Variants in SRRM4 observed in about 807,000 individuals in gnomAD.
SRRM4 encodes the protein serine/arginine repetitive matrix protein 4.
A neutral mutation model predicts 68.9 loss-of-function variants in SRRM4; 33 were observed. That is an observed-to-expected ratio of 0.48 (90% CI 0.36 to 0.64). The LOEUF is 0.64. Among genes scored for constraint, SRRM4 ranks in the 30% least tolerant of loss-of-function variants. SRRM4 has a pLI of 0.00. For synonymous variants in SRRM4, 318 were observed against 318.8 expected, an observed-to-expected ratio of 1.00 and a Z score of 0.03; for missense variants, 817 against 827.1, an observed-to-expected ratio of 0.99 and a Z score of 0.15.
At chr12:119,152,440 T>C (rs1267654578) in intron 10 of SRRM4, among the ~76,000 whole-genome samples, 2 of 152,196 alleles carry the variant, frequency 1.3e-5, no homozygotes, top group Non-Finnish European at 2.9e-5. Flanking sequence ...GCTGCAAATA[T>C]GACGTCTGAG....
At chr12:119,145,235 T>A in intron 8 of SRRM4, 146 bp from the exon 9 acceptor site, 1 of 710,240 alleles carries the variant, frequency 1.4e-6, no homozygotes, top group Non-Finnish European at 2.2e-6. Flanking sequence ...ATTTGTGCTT[T>A]TGTTTTTTGG....
chr12:119,111,185 C>T (rs1954141045), intron 2 of SRRM4, among the ~76,000 whole-genome samples: 1 of 152,218 alleles, frequency 6.6e-6, no homozygotes, highest in South Asian at 2.1e-4. Context: ...TATGTAACCA[C>T]AGCATACACA....
At chr12:119,023,143 T>G (rs773769643) in intron 1 of SRRM4, among the ~76,000 whole-genome samples, 5 of 152,232 alleles carry the variant, frequency 3.3e-5, no homozygotes, top group Non-Finnish European at 7.3e-5. Context: ...AGGTACACTG[T>G]CTTTCCCCCA....
intron 1 of SRRM4, among the ~76,000 whole-genome samples, chr12:119,074,249 C>G (rs918136419): frequency 6.6e-6 from 1 of 152,124 alleles, no homozygotes; most frequent in Admixed American, 6.6e-5. Context: ...ATGTTCCTGT[C>G]CCCATGCAGG....
rs575078909 is a variant in SRRM4 at position 119,107,922 on chromosome 12, G to T, written c.278+5540G>T. Among the ~76,000 whole-genome samples, 36 of 152,238 alleles carry T rather than the reference G, an allele frequency of 2.4e-4. No homozygotes were observed. In the East Asian group the frequency reaches 6.2e-3, roughly 26 times the overall value. On this transcript the variant is annotated intron_variant, in intron 2 of 12. Coordinates refer to ENST00000267260, the MANE Select transcript of SRRM4 (RefSeq NM_194286.4). The stretch of plus-strand genomic sequence containing the variant: ...TTGTGATGTTAGGGTGTCAATTTTA[G>T]ATCTTTCCTGCTTTCTATTGTGGGC...
chr12:119,121,078 G>A (rs967517447), intron 5 of SRRM4, among the ~76,000 whole-genome samples: 2 of 152,204 alleles, frequency 1.3e-5, no homozygotes, highest in African/African-American at 2.4e-5. Context: ...GAAGAAACCA[G>A]GTTTTAAAGG....
chr12:119,023,998 G>T (rs966647771), intron 1 of SRRM4, among the ~76,000 whole-genome samples: 1 of 147,986 alleles, frequency 6.8e-6, no homozygotes, highest in African/African-American at 2.5e-5. Context: ...CTCTCTCATT[G>T]TACTCTTGGC....
intron 8 of SRRM4, among the ~76,000 whole-genome samples, chr12:119,143,785 T>C (rs747916086): frequency 6.6e-6 from 1 of 152,152 alleles, no homozygotes; most frequent in African/African-American, 2.4e-5. Context: ...ATAGGAGTCA[T>C]TTAAACAGAG....
chr12:119,102,333 T>C lies in SRRM4; in HGVS notation c.229T>C (p.Trp77Arg), dbSNP rs137921110. The change falls in exon 2 of 13, where the codon TGG becomes CGG. Residue 77 changes from tryptophan (W) to arginine (R), a missense_variant. By Grantham distance (101) the Trp-to-Arg change is moderately radical. Coordinates refer to ENST00000267260, the MANE Select transcript of SRRM4 (RefSeq NM_194286.4). ...CACCGAGCCCTTGGGCACCAACAGT[T>C]GGGAGAGAGACAAGACCTGTCGGGA... ...LATEPLGTNS[W>R]ERDKTCRELG... is the part of the protein sequence containing the mutation. The C allele has an allele frequency of 1.2e-6, 2 of 1,613,228 alleles. No individual in the cohort carries two copies. Among genetic ancestry groups the C allele is most frequent in the African/African-American group, 2.7e-5 (2 of 74,898 alleles).
Position 118,982,692 on chromosome 12 carries a change from TTTTC to T in SRRM4, c.131+680_131+683del, listed in dbSNP as rs1365649142. Among the ~76,000 whole-genome samples the T allele has an allele frequency of 3.9e-3, 397 of 102,748 alleles. 5 individuals carry two copies. Among genetic ancestry groups the T allele is most frequent in the African/African-American group, 0.012 (327 of 27,460 alleles). 67.4% of individuals were successfully genotyped at this position (102,748 alleles called of 152,430 possible). ...TTGTTTTTTTTTGTTTTTTTTTTTT[TTTTC>T]CAAAAAGAATCTGATTGCTTTGAAC... On this transcript the variant is annotated intron_variant, in intron 1 of 12. Transcript: ENST00000267260.
intron 1 of SRRM4, chr12:119,031,231 T>C (rs1368720944): frequency 6.6e-6 from 1 of 152,240 alleles, no homozygotes; most frequent in African/African-American, 2.4e-5. Flanking sequence ...TTCAGTTTCT[T>C]GCTGGCTGTT....
intron 1 of SRRM4, among the ~76,000 whole-genome samples, chr12:118,992,520 C>G (rs1399065751): frequency 1.3e-5 from 2 of 152,218 alleles, no homozygotes; most frequent in Non-Finnish European, 2.9e-5. Flanking sequence ...TTGCCCCAGC[C>G]TCCTGTCCAC....
chr12:119,009,832 G>A (rs1038044665), intron 1 of SRRM4, among the ~76,000 whole-genome samples: 5 of 152,242 alleles, frequency 3.3e-5, no homozygotes, highest in Admixed American at 3.3e-4. Flanking sequence ...TACAAAAAGG[G>A]TATTGTGCTT....
intron 2 of SRRM4, among the ~76,000 whole-genome samples, chr12:119,111,863 G>A (rs1954145915): frequency 6.6e-6 from 1 of 152,122 alleles, no homozygotes; most frequent in Non-Finnish European, 1.5e-5. Flanking sequence ...GGCCAACATG[G>A]TGAAACCCTG....
At position 119,007,337 on chromosome 12, in the gene SRRM4, C is replaced by T. The variant is rs147547422; in HGVS notation, c.131+25324C>T. Among the ~76,000 whole-genome samples, 66 of 152,282 alleles carry T rather than the reference C, an allele frequency of 4.3e-4. 1 individual carries two copies. Among genetic ancestry groups the T allele is most frequent in the African/African-American group, 1.5e-3 (64 of 41,568 alleles). On this transcript the variant is annotated intron_variant, in intron 1 of 12. Transcript: ENST00000267260. ...ATGTACAAAAAATAAAATATTACTG[C>T]GCAGGAGAACAAACAAATATTTTGG...
At chr12:119,110,236 AC>A (rs1239760068) in intron 2 of SRRM4, among the ~76,000 whole-genome samples, 2 of 152,150 alleles carry the variant, frequency 1.3e-5, no homozygotes, top group African/African-American at 4.8e-5. Context: ...GTCAGCCCTT[AC>A]TGGGAGGTGC....
At chr12:119,020,466 G>T (rs1953509547) in intron 1 of SRRM4, among the ~76,000 whole-genome samples, 1 of 152,176 alleles carries the variant, frequency 6.6e-6, no homozygotes, top group Admixed American at 6.6e-5. Flanking sequence ...TCCAAGTGTT[G>T]GTAAACCCAG....
chr12:119,060,482 C>A (rs1224747068), intron 1 of SRRM4, among the ~76,000 whole-genome samples: 3 of 151,024 alleles, frequency 2.0e-5, no homozygotes, highest in Non-Finnish European at 4.4e-5. Flanking sequence ...CACATTCACA[C>A]TCATTTACAC....
intron 1 of SRRM4, among the ~76,000 whole-genome samples, chr12:119,048,225 G>T (rs1230003091): frequency 6.6e-6 from 1 of 152,188 alleles, no homozygotes; most frequent in Non-Finnish European, 1.5e-5. Context: ...CCAGACCGCA[G>T]CTGGAGAGGG....
Sources: gnomAD v4.1 joint callset for allele counts (sites outside exome capture counted in the v4.1 genomes callset) on GRCh38, gnomAD v4.1.1 for gene constraint, MANE v1.5 for transcripts, NCBI Gene and HGNC (gene_info 2026-07-23, HGNC 2026-07-21) for gene names.